Variants in GSK3B observed in about 807,000 individuals in gnomAD.
GSK3B encodes glycogen synthase kinase 3 beta.
GSK3B carries 15 observed loss-of-function variants against 56.4 expected under a neutral mutation model. The ratio of observed to expected loss-of-function variants is 0.27; its 90% CI spans 0.18 to 0.41. The LOEUF (loss-of-function observed/expected upper bound fraction) is 0.41, where lower values mean the gene tolerates loss of function less well. Among genes scored for constraint, GSK3B ranks in the 10% least tolerant of loss-of-function variants. GSK3B has a pLI of 1.00. For missense variants in GSK3B, 300 were observed against 513.4 expected (o/e 0.58, Z 4.02); for synonymous variants, 181 against 188.9 (o/e 0.96, Z 0.34).
In GSK3B at chr3:119,905,783, C is replaced by T. The variant is rs746833524; in HGVS notation, c.785G>A (p.Gly262Asp). ...LGQPIFPGDSGVDQLVEIIKV... is the reference protein window; with the variant it reads ...LGQPIFPGDSDVDQLVEIIKV... Reference sequence around the variant, plus strand: ...GATTATTTCTACCAACTGATCCACACCACTATCCCCTGGAAATATTGGTTG... The same window carrying T: ...GATTATTTCTACCAACTGATCCACATCACTATCCCCTGGAAATATTGGTTG... The change falls in exon 7 of 11, where the codon GGT becomes GAT. Residue 262 changes from glycine (G) to aspartate (D), a missense_variant. Gly to Asp is a moderately conservative substitution (Grantham distance 94, BLOSUM62 -1). This residue lies in a region of GSK3B where 39 missense variants were observed against 154.6 expected (regional missense o/e 0.25). Coordinates refer to ENST00000264235, the MANE Select transcript of GSK3B (RefSeq NM_001146156.2). The T allele has an allele frequency of 1.3e-6, 2 of 1,595,756 alleles. No homozygotes were observed. Among genetic ancestry groups the T allele is most frequent in the South Asian group, 1.1e-5 (1 of 90,710 alleles).
intron 3 of GSK3B, among the ~76,000 whole-genome samples, chr3:119,926,469 C>T (rs1455348674): frequency 1.3e-5 from 2 of 152,162 alleles, no homozygotes; most frequent in Non-Finnish European, 2.9e-5. Flanking sequence ...GAACCCTCGT[C>T]CAAGCTACTA....
intron 9 of GSK3B, among the ~76,000 whole-genome samples, chr3:119,846,874 T>C (rs1294826044): frequency 6.6e-6 from 1 of 152,134 alleles, no homozygotes; most frequent in Non-Finnish European, 1.5e-5. Context: ...TAGCAAAGAC[T>C]TGGAACCAAC....
At chr3:119,882,568 A>C (rs759063316) in intron 7 of GSK3B, among the ~76,000 whole-genome samples, 7 of 152,172 alleles carry the variant, frequency 4.6e-5, no homozygotes, top group Non-Finnish European at 1.0e-4. Context: ...AGGTATCAGT[A>C]CACATCAGCA....
intron 7 of GSK3B, among the ~76,000 whole-genome samples, chr3:119,904,061 G>C (rs542684298): frequency 2.0e-5 from 3 of 151,942 alleles, no homozygotes; most frequent in Non-Finnish European, 4.4e-5. Context: ...CAATTCTTCT[G>C]GTTAGTAGAG....
chr3:120,045,079 T>C (rs750884377), intron 1 of GSK3B, among the ~76,000 whole-genome samples: 30 of 152,242 alleles, frequency 2.0e-4, no homozygotes, highest in Non-Finnish European at 4.0e-4. Context: ...TGTAGGTTAG[T>C]GCAAACGCTT....
At position 119,947,467 on chromosome 3, in the gene GSK3B, A is replaced by G; in HGVS notation, c.283-116T>C. 4.4e-6 allele frequency: 3 copies of G among 680,156 alleles called. No individual in the cohort carries two copies. In the South Asian group the frequency reaches 5.3e-5, roughly 12 times the overall value. The allele number at this position is 680,156 out of a possible 1,614,324, so 42.1% of individuals were successfully genotyped here. On this transcript the variant is annotated intron_variant, in intron 2 of 10. Coordinates refer to ENST00000264235, the MANE Select transcript of GSK3B (RefSeq NM_001146156.2). ...AAAATTAGCAAGCTATAGATATGCT[A>G]CTAAAAAGTGTGATCTGTAGACTGG...
chr3:120,047,933 C>T (rs2058116960), intron 1 of GSK3B, among the ~76,000 whole-genome samples: 1 of 152,130 alleles, frequency 6.6e-6, no homozygotes, highest in Non-Finnish European at 1.5e-5. Context: ...GTTCTACCTC[C>T]AAGTGTTTTT....
chr3:119,821,441 CAT>C lies in GSK3B; in HGVS notation c.*5345_*5346del, dbSNP rs2055407094. On this transcript the variant is annotated 3_prime_UTR_variant, in exon 11 of 11. Coordinates refer to ENST00000264235, the MANE Select transcript of GSK3B (RefSeq NM_001146156.2). ...TGATGTTTCTTTTTGCACTAAGAGA[CAT>C]AACATGTTTACATACATCATCCAGT... 1.3e-5 allele frequency: 2 copies of C among 152,200 alleles called. No individual in the cohort carries two copies. Among genetic ancestry groups the C allele is most frequent in the Admixed American group, 6.5e-5 (1 of 15,280 alleles). 9.4% of individuals were successfully genotyped at this position (152,200 alleles called of 1,614,324 possible). A position where few individuals can be genotyped will look rare whatever the true frequency, so the allele number is the denominator to read the frequency against.
At chr3:119,846,518 G>C (rs1274214290) in intron 9 of GSK3B, among the ~76,000 whole-genome samples, 1 of 152,150 alleles carries the variant, frequency 6.6e-6, no homozygotes. Context: ...TATTTATGTG[G>C]CCAACAAACA....
intron 2 of GSK3B, among the ~76,000 whole-genome samples, chr3:119,968,976 A>G (rs927231954): frequency 2.0e-5 from 3 of 152,206 alleles, no homozygotes; most frequent in African/African-American, 7.2e-5. Context: ...TTAGGTATAA[A>G]TCTAACAAAA....
Position 120,093,837 on chromosome 3 carries a change from G to T in GSK3B, c.-403C>A, listed in dbSNP as rs199883898. 5.0e-6 allele frequency: 1 copy of T among 201,830 alleles called. No homozygotes were observed. Among genetic ancestry groups the T allele is most frequent in the Non-Finnish European group, 1.0e-5 (1 of 99,146 alleles). The allele number at this position is 201,830 out of a possible 1,614,324, so 12.5% of individuals were successfully genotyped here. On this transcript the variant is annotated 5_prime_UTR_variant, in exon 1 of 11. Transcript: ENST00000264235. ...TCGGGGATTTTTTTTCCGAGTCAAT[G>T]AAGAAGGGAAGCGGCGGAAGGATCA...
intron 1 of GSK3B, among the ~76,000 whole-genome samples, chr3:120,065,378 C>T (rs1007787810): frequency 5.3e-5 from 8 of 151,992 alleles, no homozygotes; most frequent in Non-Finnish European, 1.5e-5. Context: ...TGCTCTACAT[C>T]GATAGTCATT....
At chr3:119,956,346 A>C (rs184650438) in intron 2 of GSK3B, among the ~76,000 whole-genome samples, 1 of 152,320 alleles carries the variant, frequency 6.6e-6, no homozygotes, top group Admixed American at 6.5e-5. Context: ...GTGGTTCAGA[A>C]GCCATAGGAG....
chr3:119,830,518 A>G (rs981552409), intron 10 of GSK3B, among the ~76,000 whole-genome samples: 8 of 152,234 alleles, frequency 5.3e-5, no homozygotes, highest in Admixed American at 6.5e-5. Context: ...AGCAAAGTTC[A>G]TTTTACTTCT....
At chr3:120,013,669 C>T (rs1483388032) in intron 1 of GSK3B, among the ~76,000 whole-genome samples, 3 of 152,094 alleles carry the variant, frequency 2.0e-5, no homozygotes, top group South Asian at 2.1e-4. Context: ...ATGACATTTT[C>T]TGTCTAACAA....
chr3:120,033,367 ACT>A (rs1047164536), intron 1 of GSK3B, among the ~76,000 whole-genome samples: 1 of 152,190 alleles, frequency 6.6e-6, no homozygotes, highest in African/African-American at 2.4e-5. Flanking sequence ...TTATATGGTA[ACT>A]CTATGTGTGT....
intron 2 of GSK3B, among the ~76,000 whole-genome samples, chr3:119,990,693 C>A (rs553992841): frequency 6.6e-6 from 1 of 152,332 alleles, no homozygotes; most frequent in Admixed American, 6.5e-5. Flanking sequence ...CTTTGGGAGA[C>A]TGAGGTGGGT....
chr3:119,942,463 T>A (rs1472994127), intron 3 of GSK3B, among the ~76,000 whole-genome samples: 2 of 152,066 alleles, frequency 1.3e-5, no homozygotes, highest in Non-Finnish European at 2.9e-5. Flanking sequence ...CACACCCAGA[T>A]AATTTTTTGT....
chr3:119,960,151 CAAAAAAAA>C (rs574956694), intron 2 of GSK3B, among the ~76,000 whole-genome samples: 8 of 74,642 alleles, frequency 1.1e-4, no homozygotes, highest in Non-Finnish European at 2.0e-4. Flanking sequence ...TATGCTGAGA[CAAAAAAAA>C]AAAAAAAAAA....
Sources: allele counts gnomAD v4.1 joint callset (sites outside exome capture counted in the v4.1 genomes callset), GRCh38; gene constraint gnomAD v4.1.1; regional missense constraint gnomAD v4.1.1; transcripts MANE v1.5; gene names NCBI Gene and HGNC (gene_info 2026-07-23, HGNC 2026-07-21).